The following HS6ST3 variants were observed in gnomAD, a reference collection of about 807,000 sequenced individuals.
HS6ST3 encodes heparan sulfate 6-O-sulfotransferase 3.
HS6ST3 carries 12 observed loss-of-function variants against 36.7 expected under a neutral mutation model. The observed-to-expected ratio is 0.33, with a 90% CI of 0.21 to 0.53. The LOEUF (loss-of-function observed/expected upper bound fraction) is 0.53, where lower values mean the gene tolerates loss of function less well. Among genes scored for constraint, HS6ST3 ranks in the 20% least tolerant of loss-of-function variants. The pLI is 0.95. For missense variants in HS6ST3, 584 were observed against 640.9 expected (o/e 0.91, Z 0.96); for synonymous variants, 240 against 257.5 (o/e 0.93, Z 0.65).
chr13:96,774,453 C>G (rs977425711), intron 1 of HS6ST3, among the ~76,000 whole-genome samples: 3 of 152,100 alleles, frequency 2.0e-5, no homozygotes, highest in Non-Finnish European at 2.9e-5. Flanking sequence ...AGAGGAATTG[C>G]TAACTAGAAT....
At chr13:96,209,363 A>G (rs140054731) in intron 1 of HS6ST3, among the ~76,000 whole-genome samples, 11 of 152,292 alleles carry the variant, frequency 7.2e-5, no homozygotes, top group African/African-American at 2.6e-4. Context: ...AGTGAATGCT[A>G]TACAAGGGTA....
intron 1 of HS6ST3, among the ~76,000 whole-genome samples, chr13:96,703,602 C>T (rs1200754681): frequency 6.6e-6 from 1 of 151,924 alleles, no homozygotes. Context: ...TACAATTGCT[C>T]CATTATGTTC....
At chr13:96,430,909 G>T (rs1004143825) in intron 1 of HS6ST3, among the ~76,000 whole-genome samples, 2 of 152,040 alleles carry the variant, frequency 1.3e-5, no homozygotes, top group Non-Finnish European at 2.9e-5. Context: ...TTGGGTCCAG[G>T]CCTAAGAAAA....
intron 1 of HS6ST3, among the ~76,000 whole-genome samples, chr13:96,567,678 T>G (rs2056286687): frequency 6.6e-6 from 1 of 152,124 alleles, no homozygotes; most frequent in Middle Eastern, 3.4e-3. Flanking sequence ...ATGATAAAAG[T>G]CACTAAAAAT....
chr13:96,581,865 G>T (rs1018588310), intron 1 of HS6ST3, among the ~76,000 whole-genome samples: 23 of 152,284 alleles, frequency 1.5e-4, no homozygotes, highest in Admixed American at 8.5e-4. Context: ...CTGAGAGTTT[G>T]TACTGAAGTG....
At chr13:96,200,680 T>C (rs1452722157) in intron 1 of HS6ST3, among the ~76,000 whole-genome samples, 1 of 152,192 alleles carries the variant, frequency 6.6e-6, no homozygotes, top group Non-Finnish European at 1.5e-5. Flanking sequence ...CCAAACTACT[T>C]GAGGGCAAGA....
rs558501250 is a variant in HS6ST3, at chr13:96,310,848, G to T, written c.707+219279G>T. On this transcript the variant is annotated intron_variant, in intron 1 of 1. Coordinates refer to ENST00000376705, the MANE Select transcript of HS6ST3 (RefSeq NM_153456.4). ...TTTAACTACAGTTCACCTTAAAAAT[G>T]TGTTTTTATTTAGCTGAAAGCTAGG... 1.5e-3 allele frequency among the ~76,000 whole-genome samples: 222 copies of T among 152,208 alleles called. 1 individual carries two copies. Among genetic ancestry groups the T allele is most frequent in the African/African-American group, 5.1e-3 (210 of 41,542 alleles).
At chr13:96,349,233 G>T (rs2055170077) in intron 1 of HS6ST3, among the ~76,000 whole-genome samples, 1 of 152,134 alleles carries the variant, frequency 6.6e-6, no homozygotes, top group Admixed American at 6.6e-5. Context: ...AGGTTAAAAA[G>T]CAAAACAACT....
At chr13:96,366,333 C>T (rs889049581) in intron 1 of HS6ST3, among the ~76,000 whole-genome samples, 1 of 151,934 alleles carries the variant, frequency 6.6e-6, no homozygotes, top group Non-Finnish European at 1.5e-5. Flanking sequence ...ATTAGCTGAG[C>T]GTGATGGCAT....
At chr13:96,707,821 T>C (rs905251244) in intron 1 of HS6ST3, among the ~76,000 whole-genome samples, 1 of 152,214 alleles carries the variant, frequency 6.6e-6, no homozygotes, top group African/African-American at 2.4e-5. Context: ...TCCTATTCCT[T>C]TTTCCATAGA....
chr13:96,305,937 T>A (rs963866247), intron 1 of HS6ST3, among the ~76,000 whole-genome samples: 5 of 151,480 alleles, frequency 3.3e-5, no homozygotes, highest in Non-Finnish European at 5.9e-5. Flanking sequence ...TCTTTCCTTT[T>A]TTTTTTAGAC....
At chr13:96,780,682 TCTGGAGCAC>T (rs1877503627) in intron 1 of HS6ST3, among the ~76,000 whole-genome samples, 1 of 152,154 alleles carries the variant, frequency 6.6e-6, no homozygotes, top group Non-Finnish European at 1.5e-5. Context: ...GTCAGCTCTC[TCTGGAGCAC>T]CTTCTAGCTG....
chr13:96,396,303 G>T (rs1190089775), intron 1 of HS6ST3, among the ~76,000 whole-genome samples: 1 of 151,958 alleles, frequency 6.6e-6, no homozygotes, highest in African/African-American at 2.4e-5. Flanking sequence ...GCCAGGGGGA[G>T]ACTCTGTTTT....
intron 1 of HS6ST3, among the ~76,000 whole-genome samples, chr13:96,205,754 A>G (rs918307438): frequency 2.0e-5 from 3 of 152,198 alleles, no homozygotes; most frequent in African/African-American, 7.2e-5. Context: ...GATTTGATAA[A>G]ATTCAACATG....
intron 1 of HS6ST3, among the ~76,000 whole-genome samples, chr13:96,344,833 C>T (rs1044863125): frequency 2.6e-5 from 4 of 152,176 alleles, no homozygotes; most frequent in African/African-American, 4.8e-5. Flanking sequence ...AGGTATTATA[C>T]GAATGCCTGT....
chr13:96,399,578 CAG>C (rs1266415090), intron 1 of HS6ST3, among the ~76,000 whole-genome samples: 1 of 152,182 alleles, frequency 6.6e-6, no homozygotes, highest in African/African-American at 2.4e-5. Context: ...AAGAAATGCG[CAG>C]AGTTACTTTG....
chr13:96,774,315 T>C (rs923115614), intron 1 of HS6ST3, among the ~76,000 whole-genome samples: 1 of 152,006 alleles, frequency 6.6e-6, no homozygotes, highest in Non-Finnish European at 1.5e-5. Context: ...AGAACAAAAC[T>C]GGACAGGGAA....
At chr13:96,375,937 C>A (rs952539586) in intron 1 of HS6ST3, among the ~76,000 whole-genome samples, 1 of 152,268 alleles carries the variant, frequency 6.6e-6, no homozygotes, top group African/African-American at 2.4e-5. Context: ...GCACTTCTCC[C>A]TGGATTTATT....
intron 1 of HS6ST3, among the ~76,000 whole-genome samples, chr13:96,616,018 T>C (rs2056473186): frequency 6.6e-6 from 1 of 152,222 alleles, no homozygotes; most frequent in South Asian, 2.1e-4. Flanking sequence ...GGAAACACAG[T>C]TGACACTGGC....
Sources: gnomAD v4.1 joint callset for allele counts (sites outside exome capture counted in the v4.1 genomes callset) on GRCh38, gnomAD v4.1.1 for gene constraint, MANE v1.5 for transcripts, NCBI Gene and HGNC (gene_info 2026-07-23, HGNC 2026-07-21) for gene names.